COL9A3: variants seen among roughly 807,000 people sequenced by gnomAD.
The protein encoded by COL9A3 is collagen type IX alpha 3 chain.
COL9A3 carries 82 observed loss-of-function variants against 110.2 expected under a neutral mutation model. That is an observed-to-expected ratio of 0.74 (90% CI 0.62 to 0.89). The LOEUF is 0.89. COL9A3 is among the 40% of genes least tolerant of loss of function. COL9A3 has a pLI of 0.00. For missense variants in COL9A3, 1,066 were observed against 981.3 expected (o/e 1.09, Z -1.15); for synonymous variants, 494 against 403.8 (o/e 1.22, Z -2.68).
intron 11 of COL9A3, 117 bp downstream of exon 11, chr20:62,824,618 G>A (rs374632922): frequency 9.2e-7 from 1 of 1,091,354 alleles, no homozygotes. Flanking sequence ...TTCCAGGGTT[G>A]CCCCAGGAAG....
At chr20:62,826,517 G>A (rs919227331) in intron 14 of COL9A3, among the ~76,000 whole-genome samples, 5 of 152,170 alleles carry the variant, frequency 3.3e-5, no homozygotes, top group African/African-American at 4.8e-5. Context: ...GTGCCCGGGC[G>A]AGGGCTGATG....
chr20:62,820,460 C>T (rs1411001073), intron 5 of COL9A3, among the ~76,000 whole-genome samples: 1 of 152,220 alleles, frequency 6.6e-6, no homozygotes, highest in Non-Finnish European at 1.5e-5. Flanking sequence ...CTCTCTTTGG[C>T]TTCATAAGAC....
At position 62,829,639 on chromosome 20, in the gene COL9A3, G is replaced by A; in HGVS notation, c.1065G>A (p.Gly355=). 1 of 1,609,982 alleles carries A rather than the reference G, an allele frequency of 6.2e-7. No homozygotes were observed. Among genetic ancestry groups the A allele is most frequent in the Non-Finnish European group, 8.5e-7 (1 of 1,178,922 alleles). Residue 355 remains glycine, a synonymous_variant, in exon 21 of 32, where the codon GGG becomes GGA. Transcript: ENST00000649368. ...KGEKGERGRA[G]ELGEAGPSGE... ...TCCTTCCTCTACAGGGCAGAGCTGGGGAGCTGGGTGAGGCCGGCCCCTCTG... is the reference window on the plus strand; with the variant it reads ...TCCTTCCTCTACAGGGCAGAGCTGGAGAGCTGGGTGAGGCCGGCCCCTCTG...
intron 23 of COL9A3, 30 bp downstream of exon 23, chr20:62,830,443 TG>T: frequency 6.4e-7 from 1 of 1,574,150 alleles, no homozygotes; most frequent in Non-Finnish European, 8.6e-7. Flanking sequence ...GGGCCTGGCA[TG>T]GGGGGCGGCA....
chr20:62,841,088 C>T lies in COL9A3; in HGVS notation c.*356C>T, dbSNP rs1048132. ...CATCCCAATAAAATGATATATTAAA[C>T]CTTCAGATTAATGACTGGCTACAGA... On this transcript the variant is annotated 3_prime_UTR_variant, in exon 32 of 32. Coordinates refer to ENST00000649368, the MANE Select transcript of COL9A3 (RefSeq NM_001853.4). 62,677 of 239,556 alleles carry T rather than the reference C, an allele frequency of 0.26. 8,708 individuals carry two copies. Among genetic ancestry groups the T allele is most frequent in the African/African-American group, 0.34 (14,815 of 43,364 alleles). The allele number at this position is 239,556 out of a possible 1,614,324, so 14.8% of individuals were successfully genotyped here. A position where few individuals can be genotyped will look rare whatever the true frequency, so the allele number is the denominator to read the frequency against.
chr20:62,821,727 A>T (rs1220810473), intron 7 of COL9A3, 30 bp from the exon 8 acceptor site: 1 of 1,602,396 alleles, frequency 6.2e-7, no homozygotes, highest in Non-Finnish European at 8.5e-7. Flanking sequence ...CCGGGTGCAG[A>T]CCTCCCCACC....
intron 9 of COL9A3, 25 bp downstream of exon 9, chr20:62,822,189 G>C (rs1310753104): frequency 2.1e-6 from 3 of 1,434,304 alleles, no homozygotes; most frequent in Non-Finnish European, 3.0e-6. Context: ...GAGGCTCTAA[G>C]AAGTGCTGGG....
At chr20:62,840,414 C>T (rs2063667678) in intron 31 of COL9A3, 128 bp from the exon 32 acceptor site, 9 of 906,546 alleles carry the variant, frequency 9.9e-6, no homozygotes, top group South Asian at 6.9e-5. Flanking sequence ...GCCTCCCCAC[C>T]CGCTGTGGCC....
chr20:62,836,714 T>G, intron 29 of COL9A3, 182 bp downstream of exon 29: 2 of 673,144 alleles, frequency 3.0e-6, no homozygotes, highest in Non-Finnish European at 5.0e-6. Flanking sequence ...TCCTCTGCGC[T>G]AGAGGATGGC....
intron 24 of COL9A3, 66 bp downstream of exon 24, chr20:62,830,654 C>CG: frequency 1.0e-6 from 1 of 1,001,474 alleles, no homozygotes; most frequent in South Asian, 1.5e-5. Flanking sequence ...AGTCCCCCAC[C>CG]CCCATGACAG....
chr20:62,828,663 A>G, intron 17 of COL9A3, 101 bp from the exon 18 acceptor site: 1 of 1,321,772 alleles, frequency 7.6e-7, no homozygotes, highest in Non-Finnish European at 1.1e-6. Context: ...GGGCAGACAC[A>G]GTTTTAGGTT....
chr20:62,826,154 C>G, intron 13 of COL9A3, 50 bp from the exon 14 acceptor site: 2 of 1,537,280 alleles, frequency 1.3e-6, no homozygotes, highest in Non-Finnish European at 1.8e-6. Flanking sequence ...GGGTGCTCCC[C>G]GGGGTGGAGG....
Position 62,838,747 on chromosome 20 carries a change from A to G in COL9A3, c.1850A>G (p.Asp617Gly). ...AGAGLDGPEG[D>G]QGPQGPQGVP... ...GCAGGGCTGGACGGGCCTGAAGGAG[A>G]CCAGGGGCCCCAAGGTACGAGTCCA... The change falls in exon 31 of 32, where the codon GAC becomes GGC. Residue 617 changes from aspartate to glycine, a missense_variant. Coordinates refer to ENST00000649368, the MANE Select transcript of COL9A3 (RefSeq NM_001853.4). The G allele has an allele frequency of 6.4e-7, 1 of 1,551,910 alleles. No individual in the cohort carries two copies. The highest frequency in any genetic ancestry group is 8.7e-7 in the Non-Finnish European group (1 of 1,147,122).
chr20:62,816,709 C>A (rs1256640307), upstream of COL9A3, among the ~76,000 whole-genome samples: 1 of 152,198 alleles, frequency 6.6e-6, no homozygotes, highest in African/African-American at 2.4e-5. Flanking sequence ...TCCCTGAAGG[C>A]GGCCCTTCAG....
intron 5 of COL9A3, 62 bp downstream of exon 5, chr20:62,820,044 G>A: frequency 6.4e-7 from 1 of 1,574,288 alleles, no homozygotes; most frequent in Non-Finnish European, 8.7e-7. Flanking sequence ...GGCCACCTCT[G>A]GCTGCTCTGT....
chr20:62,827,815 G>A, intron 16 of COL9A3, 108 bp from the exon 17 acceptor site: 1 of 1,219,172 alleles, frequency 8.2e-7, no homozygotes, highest in East Asian at 2.3e-5. Context: ...GGTGGCCCCT[G>A]CCGCTGCCCA....
chr20:62,818,948 C>T (rs1469615666), intron 3 of COL9A3, among the ~76,000 whole-genome samples: 1 of 152,200 alleles, frequency 6.6e-6, no homozygotes, highest in East Asian at 1.9e-4. Context: ...CCTGCTGGCC[C>T]TTAGCCAGGG....
At chr20:62,837,302 T>TA (rs761803463) in intron 30 of COL9A3, 37 bp downstream of exon 30, 6 of 1,594,624 alleles carry the variant, frequency 3.8e-6, no homozygotes, top group Admixed American at 1.7e-5. Flanking sequence ...CACCCTGCTG[T>TA]AAAAATCCCT....
chr20:62,826,756 C>G lies in COL9A3; in HGVS notation c.739-11C>G. The G allele has an allele frequency of 1.2e-6, 2 of 1,612,564 alleles. No individual in the cohort carries two copies. Among genetic ancestry groups the G allele is most frequent in the Non-Finnish European group, 1.7e-6 (2 of 1,179,844 alleles). On this transcript the variant is annotated splice_polypyrimidine_tract_variant and intron_variant, in intron 14 of 31. Transcript: ENST00000649368. ...GACAAGAGGACCCCGGATCCCCTCT[C>G]TCCTCTGCAGGGTCCCATTGGGTTC...
Sources: gnomAD v4.1 joint callset for allele counts (sites outside exome capture counted in the v4.1 genomes callset) on GRCh38, gnomAD v4.1.1 for gene constraint, MANE v1.5 for transcripts, NCBI Gene and HGNC (gene_info 2026-07-23, HGNC 2026-07-21) for gene names.